Variants in EXOC4 observed in about 807,000 individuals in gnomAD.
EXOC4 encodes the protein SEC8-like 1.
Under a neutral mutation model 107.2 loss-of-function variants are expected in EXOC4, and 71 were observed. The observed-to-expected ratio is 0.66, with a 90% CI of 0.55 to 0.81. The LOEUF (loss-of-function observed/expected upper bound fraction) is 0.81. EXOC4 is among the 30% of genes least tolerant of loss of function. The probability of loss-of-function intolerance (pLI) is 0.00; values close to 1 mark genes in which losing one functional copy is unlikely to be tolerated. For missense variants in EXOC4, 1,108 were observed against 1,189.6 expected (o/e 0.93, Z 1.01); for synonymous variants, 456 against 441.2 (o/e 1.03, Z -0.42).
At chr7:134,069,427 TCTCCTCCTCCTTCTCCTG>T (rs1354579920), downstream of EXOC4, among the ~76,000 whole-genome samples, 1 of 144,752 alleles carries the variant, frequency 6.9e-6, no homozygotes, top group Non-Finnish European at 1.5e-5. Context: ...TTCCTCCTCT[TCTCCTCCTCCTTCTCCTG>T]CTCCTCCTCC....
rs935675473 is a variant in EXOC4, at chr7:133,852,708, T to TA, written c.1734+35171dup. Among the ~76,000 whole-genome samples the TA allele has an allele frequency of 7.9e-4, 120 of 152,300 alleles. 1 individual carries two copies. Among genetic ancestry groups the TA allele is most frequent in the Non-Finnish European group, 2.4e-4 (16 of 68,024 alleles). On this transcript the variant is annotated intron_variant, in intron 11 of 17. Coordinates refer to ENST00000253861, the MANE Select transcript of EXOC4 (RefSeq NM_021807.4). ...TTTCTAAAATCCTTTCCCCCGCTTT[T>TA]AAAAAAATAAGCATAGCATTTTCCT... is the stretch of plus-strand genomic sequence containing the variant.
At chr7:133,315,070 T>G (rs1436179361) in intron 4 of EXOC4, 1 of 153,230 alleles carries the variant, frequency 6.5e-6, no homozygotes, top group African/African-American at 2.4e-5. Flanking sequence ...GTCCATGATG[T>G]GAGCTGAGTC....
At chr7:133,436,961 TA>T (rs536157656) in intron 7 of EXOC4, among the ~76,000 whole-genome samples, 42 of 149,558 alleles carry the variant, frequency 2.8e-4, no homozygotes, top group African/African-American at 3.9e-4. Flanking sequence ...GATGAACTGA[TA>T]AAAAAAAAAT....
At chr7:133,866,001 A>G (rs1798632047) in intron 11 of EXOC4, among the ~76,000 whole-genome samples, 1 of 152,142 alleles carries the variant, frequency 6.6e-6, no homozygotes, top group African/African-American at 2.4e-5. Context: ...ATTTTCTCAG[A>G]GAAATTACCT....
chr7:133,755,265 T>A (rs1172557002), intron 10 of EXOC4, among the ~76,000 whole-genome samples: 12 of 95,264 alleles, frequency 1.3e-4, no homozygotes, highest in Non-Finnish European at 1.8e-4. Context: ...ATATATATAT[T>A]ATATATATTA....
At chr7:133,379,318 T>G (rs1358685012) in intron 7 of EXOC4, among the ~76,000 whole-genome samples, 1 of 152,102 alleles carries the variant, frequency 6.6e-6, no homozygotes, top group East Asian at 1.9e-4. Context: ...AACTTGAACA[T>G]TTATAGTCTT....
chr7:133,343,753 T>G (rs1450290195), intron 5 of EXOC4, among the ~76,000 whole-genome samples: 2 of 152,084 alleles, frequency 1.3e-5, no homozygotes, highest in African/African-American at 2.4e-5. Context: ...TTTTGGTGTC[T>G]TGTATTTCCT....
intron 9 of EXOC4, among the ~76,000 whole-genome samples, chr7:133,606,500 T>C (rs1338878384): frequency 2.5e-4 from 35 of 141,368 alleles, no homozygotes; most frequent in Admixed American, 2.4e-3. Flanking sequence ...CTGCTGTTTA[T>C]TATTATTATT....
chr7:133,291,782 A>G (rs139343954), intron 3 of EXOC4, among the ~76,000 whole-genome samples: 192 of 152,174 alleles, frequency 1.3e-3, no homozygotes, highest in African/African-American at 4.5e-3. Context: ...GTCCATTTTT[A>G]TATATGGTAT....
At chr7:133,427,403 C>T (rs1385537349) in intron 7 of EXOC4, among the ~76,000 whole-genome samples, 5 of 152,138 alleles carry the variant, frequency 3.3e-5, no homozygotes, top group African/African-American at 1.2e-4. Flanking sequence ...ACATGACAAC[C>T]TTGAAACTAT....
chr7:133,708,175 C>A (rs1013287286), intron 10 of EXOC4, among the ~76,000 whole-genome samples: 15 of 152,020 alleles, frequency 9.9e-5, no homozygotes, highest in Admixed American at 9.2e-4. Context: ...GAAAAAGACA[C>A]AAAAAGGAAG....
rs576280299 is a variant in EXOC4, at chr7:133,861,587, T to A, written c.1735-34012T>A. ...TCTCCCTCTTTCATCCAGGCTGGAG[T>A]GCAGTGGCGTGATCTCGGCTCACTG... On this transcript the variant is annotated intron_variant, in intron 11 of 17. Coordinates refer to ENST00000253861, the MANE Select transcript of EXOC4 (RefSeq NM_021807.4). 1.2e-3 allele frequency among the ~76,000 whole-genome samples: 177 copies of A among 152,240 alleles called. 1 individual carries two copies. Among genetic ancestry groups the A allele is most frequent in the Non-Finnish European group, 1.5e-3 (104 of 68,006 alleles).
intron 10 of EXOC4, among the ~76,000 whole-genome samples, chr7:133,748,898 AAAGGT>A (rs1795732337): frequency 6.6e-6 from 1 of 152,160 alleles, no homozygotes; most frequent in Admixed American, 6.6e-5. Flanking sequence ...TCAGTCAGGG[AAAGGT>A]AAGCTCACTT....
chr7:133,352,198 T>G lies in EXOC4; in HGVS notation c.764-4132T>G, dbSNP rs553049676. On this transcript the variant is annotated intron_variant, in intron 5 of 17. Transcript: ENST00000253861. Reference sequence around the variant, plus strand: ...GTATGTGTCTGTTAGATCTAGTTGGTTGATTGTGTTAAGTCTTCTGTTTCC... The same window carrying G: ...GTATGTGTCTGTTAGATCTAGTTGGGTGATTGTGTTAAGTCTTCTGTTTCC... Among the ~76,000 whole-genome samples the G allele has an allele frequency of 2.0e-5, 3 of 152,056 alleles. No individual in the cohort carries two copies. In the South Asian group the frequency reaches 6.2e-4, roughly 32 times the overall value.
intron 9 of EXOC4, among the ~76,000 whole-genome samples, chr7:133,574,191 G>T (rs1563112870): frequency 6.6e-6 from 1 of 152,074 alleles, no homozygotes; most frequent in Non-Finnish European, 1.5e-5. Flanking sequence ...AAGAGAGTGT[G>T]TGTGTATGTT....
chr7:133,387,667 G>A (rs555146088), intron 7 of EXOC4, among the ~76,000 whole-genome samples: 5 of 152,258 alleles, frequency 3.3e-5, no homozygotes, highest in Admixed American at 2.6e-4. Flanking sequence ...AGATTTTCAT[G>A]TAATGGAGGG....
intron 1 of EXOC4, among the ~76,000 whole-genome samples, chr7:133,273,181 G>A (rs539162784): frequency 5.6e-4 from 86 of 152,310 alleles, no homozygotes; most frequent in Non-Finnish European, 1.0e-3. Context: ...CAGATTTAAA[G>A]AGCAAAGTTG....
chr7:133,920,279 G>A (rs953873262), intron 13 of EXOC4, among the ~76,000 whole-genome samples: 1 of 152,170 alleles, frequency 6.6e-6, no homozygotes, highest in African/African-American at 2.4e-5. Context: ...TTGGGTAGCA[G>A]TCCTTCATCT....
At chr7:134,010,369 C>T (rs942108197) in intron 17 of EXOC4, 1 of 152,110 alleles carries the variant, frequency 6.6e-6, no homozygotes, top group Non-Finnish European at 1.5e-5. Flanking sequence ...TAAGAAAAAG[C>T]GTATCTTCCT....
Sources: allele counts gnomAD v4.1 joint callset (sites outside exome capture counted in the v4.1 genomes callset), GRCh38; gene constraint gnomAD v4.1.1; transcripts MANE v1.5; gene names NCBI Gene and HGNC (gene_info 2026-07-23, HGNC 2026-07-21).